CFAP54: variants seen among roughly 807,000 people sequenced by gnomAD.
CFAP54 encodes the protein cilia and flagella associated protein 54, also known as cilia- and flagella-associated protein 54.
A neutral mutation model predicts 370.4 loss-of-function variants in CFAP54; 290 were observed. That is an observed-to-expected ratio of 0.78 (90% CI 0.71 to 0.86). The LOEUF (loss-of-function observed/expected upper bound fraction) is 0.86, where lower values mean the gene tolerates loss of function less well. Among genes scored for constraint, CFAP54 ranks in the 40% least tolerant of loss-of-function variants. The probability of loss-of-function intolerance (pLI) is 0.00; values close to 1 mark genes in which losing one functional copy is unlikely to be tolerated. For synonymous variants in CFAP54, 1,206 were observed against 1,236.5 expected, an observed-to-expected ratio of 0.98 and a Z score of 0.52; for missense variants, 3,399 against 3,528.7, an observed-to-expected ratio of 0.96 and a Z score of 0.93.
intron 38 of CFAP54, among the ~76,000 whole-genome samples, chr12:96,660,538 C>T (rs1472207113): frequency 6.6e-6 from 1 of 151,984 alleles, no homozygotes; most frequent in Non-Finnish European, 1.5e-5. Flanking sequence ...CAAAGTTCAA[C>T]CAGAAGAGCA....
At chr12:96,631,007 G>A (rs977768496) in intron 32 of CFAP54, among the ~76,000 whole-genome samples, 1 of 151,602 alleles carries the variant, frequency 6.6e-6, no homozygotes, top group Admixed American at 6.6e-5. Flanking sequence ...TTTAGTTTCT[G>A]TTTTTTTAAG....
At chr12:96,551,485 ATG>A (rs10582056) in intron 15 of CFAP54, among the ~76,000 whole-genome samples, 41,209 of 143,578 alleles carry the variant, frequency 0.29, 6,137 homozygotes, top group Middle Eastern at 0.35. Flanking sequence ...TTGAATGGGT[ATG>A]TGTGTGTGTG....
intron 66 of CFAP54, among the ~76,000 whole-genome samples, chr12:96,852,461 G>A (rs555944167): frequency 6.6e-6 from 1 of 152,078 alleles, no homozygotes; most frequent in South Asian, 2.1e-4. Context: ...TGGGTCAATT[G>A]GATATCTAAA....
At chr12:96,645,239 C>G (rs1387520111) in intron 33 of CFAP54, 1 of 444,088 alleles carries the variant, frequency 2.3e-6, no homozygotes, top group East Asian at 7.0e-5. Context: ...ATATGGAATA[C>G]TGTGTAGCTA....
intron 26 of CFAP54, among the ~76,000 whole-genome samples, chr12:96,604,413 A>T (rs1357168873): frequency 3.9e-5 from 6 of 152,232 alleles, no homozygotes; most frequent in Non-Finnish European, 1.5e-5. Flanking sequence ...CACAGGGGTC[A>T]GGGACCCACT....
intron 66 of CFAP54, among the ~76,000 whole-genome samples, chr12:96,855,821 C>T (rs556751776): frequency 6.6e-6 from 1 of 152,316 alleles, no homozygotes; most frequent in Admixed American, 6.5e-5. Context: ...GATGGTGGCC[C>T]TCTTCTCACA....
intron 26 of CFAP54, among the ~76,000 whole-genome samples, chr12:96,619,893 T>TA (rs1956466353): frequency 6.6e-6 from 1 of 152,218 alleles, no homozygotes; most frequent in Non-Finnish European, 1.5e-5. Flanking sequence ...TTGCATGACC[T>TA]AACCCTACCT....
chr12:96,650,518 C>G (rs924061908), intron 35 of CFAP54, among the ~76,000 whole-genome samples: 1 of 152,092 alleles, frequency 6.6e-6, no homozygotes, highest in African/African-American at 2.4e-5. Flanking sequence ...TGCCCTTGCC[C>G]CCGGTCTCCT....
intron 1 of CFAP54, among the ~76,000 whole-genome samples, chr12:96,495,366 A>T (rs577236912): frequency 6.7e-6 from 1 of 149,598 alleles, no homozygotes; most frequent in Non-Finnish European, 1.5e-5. Flanking sequence ...GGAGTGCAGT[A>T]GCCGGATCTT....
At chr12:96,709,719 A>ATTG (rs1330375137) in intron 48 of CFAP54, among the ~76,000 whole-genome samples, 49 of 149,302 alleles carry the variant, frequency 3.3e-4, no homozygotes, top group African/African-American at 1.1e-3. Flanking sequence ...TATTATTATT[A>ATTG]TTATTATTAT....
Position 96,527,244 on chromosome 12 carries a change from A to G in CFAP54, c.1159-2A>G, listed in dbSNP as rs1203674019. The G allele has an allele frequency of 2.0e-6, 3 of 1,498,286 alleles. No homozygotes were observed. Among genetic ancestry groups the G allele is most frequent in the Non-Finnish European group, 2.7e-6 (3 of 1,130,170 alleles). 92.8% of individuals were successfully genotyped at this position (1,498,286 alleles called of 1,614,324 possible). A position where few individuals can be genotyped will look rare whatever the true frequency, so the allele number is the denominator to read the frequency against. ...CTGAACTTTTTTTTTTCTCAATTTC[A>G]GTTATCATGGCCACGAACTGTCACA... On this transcript the variant is annotated splice_acceptor_variant, in intron 8 of 67. Transcript: ENST00000524981. LOFTEE classifies it high-confidence loss of function.
intron 1 of CFAP54, among the ~76,000 whole-genome samples, chr12:96,492,183 C>T (rs1954891923): frequency 6.6e-6 from 1 of 152,208 alleles, no homozygotes. Flanking sequence ...TCCAATCTAT[C>T]CTTCACCTAG....
chr12:96,843,019 G>A (rs1240675087), intron 66 of CFAP54, among the ~76,000 whole-genome samples: 2 of 152,174 alleles, frequency 1.3e-5, no homozygotes, highest in African/African-American at 4.8e-5. Context: ...GTCAGCATGA[G>A]CAGGATTTCT....
intron 38 of CFAP54, among the ~76,000 whole-genome samples, chr12:96,661,046 G>C (rs1169203113): frequency 6.7e-6 from 1 of 150,194 alleles, no homozygotes; most frequent in African/African-American, 2.5e-5. Flanking sequence ...ATGTTCAGAA[G>C]CTCCCTAAAC....
intron 11 of CFAP54, among the ~76,000 whole-genome samples, chr12:96,535,105 C>CTGAA (rs1363318463): frequency 6.6e-6 from 1 of 151,430 alleles, no homozygotes; most frequent in Non-Finnish European, 1.5e-5. Flanking sequence ...GTTGCCCAGG[C>CTGAA]TGAAGTGCAG....
At chr12:96,545,883 G>A (rs1360507187) in intron 14 of CFAP54, among the ~76,000 whole-genome samples, 1 of 152,208 alleles carries the variant, frequency 6.6e-6, no homozygotes, top group Non-Finnish European at 1.5e-5. Context: ...TTCCTGGAGG[G>A]TGGTGGTCCT....
intron 8 of CFAP54, among the ~76,000 whole-genome samples, chr12:96,524,835 G>C (rs553262943): frequency 6.6e-6 from 1 of 152,200 alleles, no homozygotes; most frequent in Non-Finnish European, 1.5e-5. Context: ...TTTTAAATAA[G>C]ATAATATATC....
chr12:96,727,584 T>A (rs1189738093), intron 50 of CFAP54, among the ~76,000 whole-genome samples: 2 of 151,134 alleles, frequency 1.3e-5, no homozygotes, highest in Non-Finnish European at 2.9e-5. Context: ...GCACATGAGA[T>A]GGGTTTCCTG....
At chr12:96,789,350 CAGAAGGGCACAGTGGG>C (rs1211978773) in intron 62 of CFAP54, among the ~76,000 whole-genome samples, 1 of 152,196 alleles carries the variant, frequency 6.6e-6, no homozygotes, top group East Asian at 1.9e-4. Context: ...GCCCTGCACA[CAGAAGGGCACAGTGGG>C]AGTAGAATGA....
Sources: gnomAD v4.1 joint callset for allele counts (sites outside exome capture counted in the v4.1 genomes callset) on GRCh38, gnomAD v4.1.1 for gene constraint, MANE v1.5 for transcripts, NCBI Gene and HGNC (gene_info 2026-07-23, HGNC 2026-07-21) for gene names.